HS3ST3A1: variants seen among roughly 807,000 people sequenced by gnomAD.
HS3ST3A1 encodes heparan sulfate glucosamine 3-O-sulfotransferase 3A1.
Under a neutral mutation model 25.7 loss-of-function variants are expected in HS3ST3A1, and 19 were observed. The ratio of observed to expected loss-of-function variants is 0.74; its 90% CI spans 0.52 to 1.08. The LOEUF (loss-of-function observed/expected upper bound fraction) is 1.08, where lower values mean the gene tolerates loss of function less well. HS3ST3A1 is among the 50% of genes least tolerant of loss of function. The pLI is 0.00. For missense variants in HS3ST3A1, 459 were observed against 594.3 expected, an observed-to-expected ratio of 0.77 and a Z score of 2.37; for synonymous variants, 226 against 278.6, an observed-to-expected ratio of 0.81 and a Z score of 1.88.
intron 1 of HS3ST3A1, among the ~76,000 whole-genome samples, chr17:13,550,457 C>G (rs1485101995): frequency 6.6e-6 from 1 of 152,108 alleles, no homozygotes; most frequent in Non-Finnish European, 1.5e-5. Flanking sequence ...TTTTCTGGTT[C>G]TGGCTGCTGG....
intron 1 of HS3ST3A1, among the ~76,000 whole-genome samples, chr17:13,596,448 C>G (rs1344584087): frequency 1.4e-5 from 2 of 143,842 alleles, no homozygotes; most frequent in African/African-American, 5.0e-5. Context: ...CACACACACA[C>G]AGAGGAACTA....
intron 1 of HS3ST3A1, among the ~76,000 whole-genome samples, chr17:13,599,778 GTCT>G (rs1357312510): frequency 6.6e-6 from 1 of 152,152 alleles, no homozygotes; most frequent in Non-Finnish European, 1.5e-5. Context: ...TCTCTCTGTT[GTCT>G]TCTTCTTTTA....
At chr17:13,533,133 A>G (rs1224003291) in intron 1 of HS3ST3A1, among the ~76,000 whole-genome samples, 1 of 152,056 alleles carries the variant, frequency 6.6e-6, no homozygotes, top group Non-Finnish European at 1.5e-5. Context: ...AGGAGGGGGG[A>G]ACTGTGTAAA....
chr17:13,504,250 G>A (rs913552130), intron 1 of HS3ST3A1, among the ~76,000 whole-genome samples: 2 of 152,168 alleles, frequency 1.3e-5, no homozygotes, highest in South Asian at 2.1e-4. Flanking sequence ...CCAGGAAGTG[G>A]AGGTCGCAGT....
At chr17:13,522,962 C>A (rs1388235371) in intron 1 of HS3ST3A1, among the ~76,000 whole-genome samples, 1 of 151,592 alleles carries the variant, frequency 6.6e-6, no homozygotes, top group Non-Finnish European at 1.5e-5. Flanking sequence ...GAGCTTTATC[C>A]AGAGTGGTAA....
chr17:13,507,296 C>T (rs1338330748), intron 1 of HS3ST3A1, among the ~76,000 whole-genome samples: 1 of 152,132 alleles, frequency 6.6e-6, no homozygotes, highest in East Asian at 1.9e-4. Context: ...AAATGAAGAG[C>T]TAGAATTATT....
intron 1 of HS3ST3A1, among the ~76,000 whole-genome samples, chr17:13,546,902 T>A (rs1907104556): frequency 6.6e-6 from 1 of 151,968 alleles, no homozygotes; most frequent in Non-Finnish European, 1.5e-5. Context: ...GTGTTTAATC[T>A]TTACTCTAAA....
intron 1 of HS3ST3A1, among the ~76,000 whole-genome samples, chr17:13,497,574 C>CA (rs779590217): frequency 4.9e-4 from 75 of 152,314 alleles, no homozygotes; most frequent in Admixed American, 2.4e-3. Flanking sequence ...ATATTAAAAA[C>CA]AAAAATCCAG....
chr17:13,596,916 T>G (rs1400808244), intron 1 of HS3ST3A1, among the ~76,000 whole-genome samples: 1 of 152,056 alleles, frequency 6.6e-6, no homozygotes, highest in Non-Finnish European at 1.5e-5. Flanking sequence ...CTAATGGACT[T>G]GAAAAACGGG....
Position 13,496,929 on chromosome 17 carries a change from C to G in HS3ST3A1, c.600-111G>C. The stretch of plus-strand genomic sequence containing the variant: ...CGCAATTCCAGCCCCCGCAACCCCC[C>G]ACTTGCTAGACATCTGATGGTGACG... On this transcript the variant is annotated intron_variant, in intron 1 of 1. Coordinates refer to ENST00000284110, the MANE Select transcript of HS3ST3A1 (RefSeq NM_006042.3). 1.0e-5 allele frequency: 15 copies of G among 1,442,318 alleles called. No individual in the cohort carries two copies. The South Asian group carries it at 1.7e-4, about 16-fold the overall frequency. The allele number at this position is 1,442,318 out of a possible 1,614,324, so 89.3% of individuals were successfully genotyped here.
intron 1 of HS3ST3A1, among the ~76,000 whole-genome samples, chr17:13,549,692 CT>C (rs1208152574): frequency 5.3e-5 from 8 of 152,204 alleles, no homozygotes; most frequent in African/African-American, 1.7e-4. Context: ...GCCAAGCCCC[CT>C]AAACCCCCAT....
At chr17:13,567,457 T>C (rs62053881) in intron 1 of HS3ST3A1, among the ~76,000 whole-genome samples, 11,467 of 152,280 alleles carry the variant, frequency 0.075, 705 homozygotes, top group African/African-American at 0.17. Flanking sequence ...ATTTAAGGAA[T>C]ATACTTTGTA....
At chr17:13,584,883 T>G (rs1908210502) in intron 1 of HS3ST3A1, among the ~76,000 whole-genome samples, 1 of 152,200 alleles carries the variant, frequency 6.6e-6, no homozygotes, top group Non-Finnish European at 1.5e-5. Flanking sequence ...TGAAGTTCAT[T>G]ACATTCCTGT....
intron 1 of HS3ST3A1, among the ~76,000 whole-genome samples, chr17:13,529,856 G>A (rs569062404): frequency 6.6e-6 from 1 of 150,784 alleles, no homozygotes; most frequent in East Asian, 1.9e-4. Flanking sequence ...GGCTAAGCAG[G>A]TGGGTTCTAG....
chr17:13,550,727 A>ACAACAG (rs1907216074), intron 1 of HS3ST3A1, among the ~76,000 whole-genome samples: 1 of 152,006 alleles, frequency 6.6e-6, no homozygotes, highest in South Asian at 2.1e-4. Context: ...AACAACAACA[A>ACAACAG]CAACAACAAA....
intron 1 of HS3ST3A1, among the ~76,000 whole-genome samples, chr17:13,581,422 G>C (rs990491857): frequency 6.8e-6 from 1 of 147,722 alleles, no homozygotes. Context: ...GGCTGAGATC[G>C]AGCCACTGCA....
At position 13,600,806 on chromosome 17, in the gene HS3ST3A1, G is replaced by A; in HGVS notation, c.324C>T (p.Gly108=). ...RRRPPAPRDD[G]EEAAWEEESP... ...ACTCTTCTTCCCAGGCCGCCTCCTC[G>A]CCGTCGTCGCGGGGCGCGGGCGGCC... The change falls in exon 1 of 2, where the codon GGC becomes GGT. Residue 108 remains glycine, a synonymous_variant. Transcript: ENST00000284110. The A allele has an allele frequency of 8.5e-6, 12 of 1,417,632 alleles. No homozygotes were observed. The highest frequency in any genetic ancestry group is 1.1e-5 in the Non-Finnish European group (12 of 1,099,046). The allele number at this position is 1,417,632 out of a possible 1,614,324, so 87.8% of individuals were successfully genotyped here.
intron 1 of HS3ST3A1, among the ~76,000 whole-genome samples, chr17:13,600,126 C>T: frequency 6.6e-6 from 1 of 152,108 alleles, no homozygotes. Flanking sequence ...CCACAAAGAA[C>T]TTTCCAAAAG....
chr17:13,526,516 T>TATA (rs1567614552), intron 1 of HS3ST3A1, among the ~76,000 whole-genome samples: 1 of 85,502 alleles, frequency 1.2e-5, no homozygotes, highest in African/African-American at 4.4e-5. Flanking sequence ...ATATATATAT[T>TATA]ATTGGGTTGG....
Sources: allele counts gnomAD v4.1 joint callset (sites outside exome capture counted in the v4.1 genomes callset), GRCh38; gene constraint gnomAD v4.1.1; transcripts MANE v1.5; gene names NCBI Gene and HGNC (gene_info 2026-07-23, HGNC 2026-07-21).